Variants in GALR2 observed in about 807,000 individuals in gnomAD.
GALR2 encodes galanin receptor 2, also known as galanin receptor type 2.
In GALR2, 5 loss-of-function variants were observed where a neutral mutation model predicts 7.2. The observed-to-expected ratio is 0.69, with a 90% confidence interval of 0.36 to 1.45. GALR2 has a LOEUF of 1.45. Ranked by LOEUF, GALR2 falls within the 40% of genes most tolerant of loss-of-function variation. GALR2 has a pLI of 0.03. For synonymous variants in GALR2, 300 were observed against 263.9 expected, an observed-to-expected ratio of 1.14 and a Z score of -1.32; for missense variants, 561 against 555.7, an observed-to-expected ratio of 1.01 and a Z score of -0.10.
Position 76,077,044 on chromosome 17 carries a change from G to C in GALR2, c.777G>C (p.Val259=), listed in dbSNP as rs201137943. 9 of 1,612,968 alleles carry C rather than the reference G, an allele frequency of 5.6e-6. No homozygotes were observed. The Admixed American group carries it at 8.3e-5, about 15-fold the overall frequency. The change falls in exon 2 of 2, where the codon GTG becomes GTC. Residue 259 remains valine, a synonymous_variant. Coordinates refer to ENST00000329003, the MANE Select transcript of GALR2 (RefSeq NM_003857.4). The stretch of plus-strand genomic sequence containing the variant: ...CCCACCACGCGCTCATCCTCTGCGT[G>C]TGGTTCGGCCAGTTCCCGCTCACGC... ...WMPHHALILC[V]WFGQFPLTRA...
At chr17:76,072,532 G>T (rs778850732), upstream of GALR2, 5 of 1,557,688 alleles carry the variant, frequency 3.2e-6, no homozygotes, top group African/African-American at 2.8e-5. The surrounding 1 kb of genome is among the most constrained non-coding windows in gnomAD (Gnocchi z 4.5). Context: ...TAGGGGAGGC[G>T]GGACGACCTG....
rs1250774227 is a variant in GALR2 at position 76,077,131 on chromosome 17, C to G, written c.864C>G (p.Asn288Lys). 1.2e-6 allele frequency: 2 copies of G among 1,612,848 alleles called. No individual in the cohort carries two copies. The highest frequency in any genetic ancestry group is 1.7e-5 in the Admixed American group (1 of 60,000). The change falls in exon 2 of 2, where the codon AAC (asparagine) becomes AAG (lysine). Residue 288 changes from asparagine to lysine, a missense_variant. Asn to Lys is a moderately conservative substitution (Grantham distance 94). Transcript: ENST00000329003. ...HLVSYANSCV[N>K]PIVYALVSKH... is the part of the protein sequence containing the mutation. ...TCTCCTACGCCAACTCCTGCGTCAA[C>G]CCCATCGTTTACGCGCTGGTCTCCA...
Position 76,077,113 on chromosome 17 carries a change from C to A in GALR2, c.846C>A (p.Tyr282Ter). ...ALRILSHLVS[Y>*]ANSCVNPIVY... The stretch of plus-strand genomic sequence containing the variant: ...GCATCCTCTCGCACCTGGTCTCCTA[C>A]GCCAACTCCTGCGTCAACCCCATCG... The change falls in exon 2 of 2, where the codon TAC becomes TAA. Residue 282 changes from tyrosine to a stop codon, truncating the protein, a stop_gained. Transcript: ENST00000329003. LOFTEE classifies it low-confidence loss of function (END_TRUNC). 1 of 1,613,044 alleles carries A rather than the reference C, an allele frequency of 6.2e-7. No homozygotes were observed. The highest frequency in any genetic ancestry group is 1.1e-5 in the South Asian group (1 of 91,076).
rs747403278 is a variant in GALR2, at chr17:76,077,281, G to T, written c.1014G>T (p.Glu338Asp). The T allele has an allele frequency of 3.8e-6, 6 of 1,599,524 alleles. No homozygotes were observed. The East Asian group carries it at 1.3e-4, about 36-fold the overall frequency. Residue 338 changes from glutamate to aspartate, a missense_variant, in exon 2 of 2, where the codon GAG becomes GAT. Physicochemically the swap from Glu to Asp is conservative, Grantham distance 45. Transcript: ENST00000329003. Reference protein sequence around the residue: ...GTHSGSVLERESSDLLHMSEA... With the variant: ...GTHSGSVLERDSSDLLHMSEA... ...ACAGTGGCAGCGTGTTGGAGCGCGAGTCCAGCGACCTGTTGCACATGAGCG... is the reference window on the plus strand; with the variant it reads ...ACAGTGGCAGCGTGTTGGAGCGCGATTCCAGCGACCTGTTGCACATGAGCG...
At chr17:76,072,570 C>T (rs2066865795), upstream of GALR2, 1 of 1,509,584 alleles carries the variant, frequency 6.6e-7, no homozygotes, top group Non-Finnish European at 8.7e-7. This position sits in a 1 kb window ranked among gnomAD's most constrained non-coding sequence, Gnocchi z 4.5. Flanking sequence ...CCTGCCTGGC[C>T]GGGCTGATGG....
In GALR2 at chr17:76,077,273, G is replaced by T. The variant is rs1178921598; in HGVS notation, c.1006G>T (p.Glu336Ter). 3.1e-6 allele frequency: 5 copies of T among 1,601,358 alleles called. No individual in the cohort carries two copies. Among genetic ancestry groups the T allele is most frequent in the Non-Finnish European group, 4.2e-6 (5 of 1,177,332 alleles). ...GGGCACCCACAGTGGCAGCGTGTTG[G>T]AGCGCGAGTCCAGCGACCTGTTGCA... The part of the protein sequence containing the change: ...ARGTHSGSVL[E>*]RESSDLLHMS... Residue 336 changes from glutamate (E) to a stop codon, truncating the protein, a stop_gained, in exon 2 of 2, where the codon GAG becomes TAG. Transcript: ENST00000329003. LOFTEE classifies it low-confidence loss of function (END_TRUNC).
In GALR2 at chr17:76,076,915, C is replaced by G; in HGVS notation, c.648C>G (p.Arg216=). 6.2e-7 allele frequency: 1 copy of G among 1,601,792 alleles called. No individual in the cohort carries two copies. The highest frequency in any genetic ancestry group is 8.5e-7 in the Non-Finnish European group (1 of 1,178,416). Residue 216 remains arginine (R), a synonymous_variant, in exon 2 of 2, where the codon CGC becomes CGG. Coordinates refer to ENST00000329003, the MANE Select transcript of GALR2 (RefSeq NM_003857.4). This position sits in a 1 kb window ranked among gnomAD's most constrained non-coding sequence, Gnocchi z 6.5. The part of the protein sequence containing the change: ...TYARTLRYLW[R]AVDPVAAGSG... ...CGCGCACCTTGCGCTACCTCTGGCG[C>G]GCCGTCGACCCGGTGGCCGCGGGCT...
At position 76,076,611 on chromosome 17, in the gene GALR2, G is replaced by A. The variant is rs1368631079; in HGVS notation, c.369-25G>A. On this transcript the variant is annotated intron_variant, in intron 1 of 1. Coordinates refer to ENST00000329003, the MANE Select transcript of GALR2 (RefSeq NM_003857.4). This position sits in a 1 kb window ranked among gnomAD's most constrained non-coding sequence, Gnocchi z 6.5. Reference sequence around the variant, plus strand: ...GCATGAATGTGCCCGCTCAGCCGACGTCTCCCTTCCCGGTCTGACCGCAGG... The same window carrying A: ...GCATGAATGTGCCCGCTCAGCCGACATCTCCCTTCCCGGTCTGACCGCAGG... The A allele has an allele frequency of 3.3e-6, 5 of 1,518,408 alleles. No homozygotes were observed. Among genetic ancestry groups the A allele is most frequent in the Middle Eastern group, 2.3e-4 (1 of 4,426 alleles). The allele number at this position is 1,518,408 out of a possible 1,614,324, so 94.1% of individuals were successfully genotyped here. A position where few individuals can be genotyped will look rare whatever the true frequency, so the allele number is the denominator to read the frequency against.
chr17:76,077,081 G>GCGCTTCGCATCCTCT lies in GALR2; in HGVS notation c.818_832dup (p.Leu273_Ser277dup). 1.2e-6 allele frequency: 2 copies of GCGCTTCGCATCCTCT among 1,613,070 alleles called. No homozygotes were observed. The highest frequency in any genetic ancestry group is 1.7e-6 in the Non-Finnish European group (2 of 1,179,910). On this transcript the variant is annotated inframe_insertion, in exon 2 of 2. Transcript: ENST00000329003. ...GTTCCCGCTCACGCGCGCCACTTAT[G>GCGCTTCGCATCCTCT]CGCTTCGCATCCTCTCGCACCTGGT...
In GALR2 at chr17:76,075,347, G is replaced by A. The variant is rs1033083449; in HGVS notation, c.368+96G>A. 7.6e-7 allele frequency: 1 copy of A among 1,314,486 alleles called. No individual in the cohort carries two copies. The highest frequency in any genetic ancestry group is 1.0e-6 in the Non-Finnish European group (1 of 958,498). 81.4% of individuals were successfully genotyped at this position (1,314,486 alleles called of 1,614,324 possible). ...GGACCAAGAAGGGACGCGCAGAGTG[G>A]GACAGGACACTAAGAAGGCAGTGGA... On this transcript the variant is annotated intron_variant, in intron 1 of 1. Transcript: ENST00000329003. This position sits in a 1 kb window ranked among gnomAD's most constrained non-coding sequence, Gnocchi z 5.9.
Position 76,076,511 on chromosome 17 carries a change from T to C in GALR2, c.369-125T>C, listed in dbSNP as rs1335577309. ...GAGCCTCACCCCCACCTCCTCTGTG[T>C]GCGGTGTAACCATGCGCTAAGGACC... On this transcript the variant is annotated intron_variant, in intron 1 of 1. Coordinates refer to ENST00000329003, the MANE Select transcript of GALR2 (RefSeq NM_003857.4). This position sits in a 1 kb window ranked among gnomAD's most constrained non-coding sequence, Gnocchi z 6.5. The C allele has an allele frequency of 4.8e-6, 3 of 631,104 alleles. No homozygotes were observed. The highest frequency in any genetic ancestry group is 8.1e-6 in the Non-Finnish European group (3 of 368,554). The allele number at this position is 631,104 out of a possible 1,614,324, so 39.1% of individuals were successfully genotyped here.
At chr17:76,074,009 G>C (rs1399188417), upstream of GALR2, among the ~76,000 whole-genome samples, 5 of 152,156 alleles carry the variant, frequency 3.3e-5, no homozygotes, top group Admixed American at 2.6e-4. The surrounding 1 kb of genome is among the most constrained non-coding windows in gnomAD (Gnocchi z 6.7). Flanking sequence ...AGCCAGGCGT[G>C]GTGGCAGGCG....
chr17:76,076,524 T>A lies in GALR2; in HGVS notation c.369-112T>A. On this transcript the variant is annotated intron_variant, in intron 1 of 1. Transcript: ENST00000329003. The surrounding 1 kb of genome is among the most constrained non-coding windows in gnomAD (Gnocchi z 6.5). ...ACCTCCTCTGTGTGCGGTGTAACCA[T>A]GCGCTAAGGACCTTCCTCGAGAGCA... 1.5e-6 allele frequency: 1 copy of A among 679,528 alleles called. No individual in the cohort carries two copies. Among genetic ancestry groups the A allele is most frequent in the Non-Finnish European group, 2.5e-6 (1 of 406,298 alleles). 42.1% of individuals were successfully genotyped at this position (679,528 alleles called of 1,614,324 possible).
upstream of GALR2, chr17:76,072,732 A>C (rs985652013): frequency 2.8e-6 from 2 of 708,140 alleles, no homozygotes; most frequent in Non-Finnish European, 2.2e-6. This position sits in a 1 kb window ranked among gnomAD's most constrained non-coding sequence, Gnocchi z 4.5. Context: ...GGCTGCTGAG[A>C]TCTCAGGGGG....
In GALR2 at chr17:76,075,256, G is replaced by A. The variant is rs886236002; in HGVS notation, c.368+5G>A. Reference sequence around the variant, plus strand: ...GGCCGCCGTCTCCCTGGACAGGTGAGCCAGCGCCTTGGCCTCCCTGGGAGA... The same window carrying A: ...GGCCGCCGTCTCCCTGGACAGGTGAACCAGCGCCTTGGCCTCCCTGGGAGA... On this transcript the variant is annotated splice_donor_5th_base_variant and intron_variant, in intron 1 of 1. Transcript: ENST00000329003. This position sits in a 1 kb window ranked among gnomAD's most constrained non-coding sequence, Gnocchi z 5.9. 11 of 1,595,988 alleles carry A rather than the reference G, an allele frequency of 6.9e-6. No individual in the cohort carries two copies. The highest frequency in any genetic ancestry group is 2.2e-5 in the East Asian group (1 of 44,748).
Position 76,074,815 on chromosome 17 carries a change from C to G in GALR2, c.-69C>G. Reference sequence around the variant, plus strand: ...CTAGGAGTTGCAGCGGCCGCAGCCCCGGGAGCTTCCCGCTCGCGGAGACCC... The same window carrying G: ...CTAGGAGTTGCAGCGGCCGCAGCCCGGGGAGCTTCCCGCTCGCGGAGACCC... On this transcript the variant is annotated 5_prime_UTR_variant, in exon 1 of 2. Transcript: ENST00000329003. This position sits in a 1 kb window ranked among gnomAD's most constrained non-coding sequence, Gnocchi z 6.7. 1 of 1,430,196 alleles carries G rather than the reference C, an allele frequency of 7.0e-7. No homozygotes were observed. The highest frequency in any genetic ancestry group is 9.1e-7 in the Non-Finnish European group (1 of 1,095,636). The allele number at this position is 1,430,196 out of a possible 1,614,324, so 88.6% of individuals were successfully genotyped here.
chr17:76,072,615 T>G (rs758833225), upstream of GALR2: 3 of 1,457,586 alleles, frequency 2.1e-6, no homozygotes, highest in East Asian at 2.5e-5. The surrounding 1 kb of genome is among the most constrained non-coding windows in gnomAD (Gnocchi z 4.5). Flanking sequence ...CGGCCCTTGC[T>G]GCAGCAGGGC....
upstream of GALR2, among the ~76,000 whole-genome samples, chr17:76,073,611 T>C (rs1487940206): frequency 7.3e-6 from 1 of 137,354 alleles, no homozygotes; most frequent in Non-Finnish European, 1.6e-5. Context: ...CTATTTTGAA[T>C]TTCCTCAAGG....
In GALR2 at chr17:76,076,744, C is replaced by T; in HGVS notation, c.477C>T (p.Pro159=). 1 of 1,605,456 alleles carries T rather than the reference C, an allele frequency of 6.2e-7. No homozygotes were observed. The highest frequency in any genetic ancestry group is 8.5e-7 in the Non-Finnish European group (1 of 1,179,814). The change falls in exon 2 of 2, where the codon CCC becomes CCT. Residue 159 remains proline (P), a synonymous_variant. Coordinates refer to ENST00000329003, the MANE Select transcript of GALR2 (RefSeq NM_003857.4). This position sits in a 1 kb window ranked among gnomAD's most constrained non-coding sequence, Gnocchi z 6.5. Reference sequence around the variant, plus strand: ...GGCTGTCGCTGCTCTTCTCCGGGCCCTACCTGAGCTACTACCGCCAGTCGC... The same window carrying T: ...GGCTGTCGCTGCTCTTCTCCGGGCCTTACCTGAGCTACTACCGCCAGTCGC... ...IWGLSLLFSG[P]YLSYYRQSQL...
Sources: allele counts gnomAD v4.1 joint callset (sites outside exome capture counted in the v4.1 genomes callset), GRCh38; gene constraint gnomAD v4.1.1; non-coding constraint Gnocchi (gnomAD v3.1); transcripts MANE v1.5; gene names NCBI Gene and HGNC (gene_info 2026-07-23, HGNC 2026-07-21).